HMCN1: variants seen among roughly 807,000 people sequenced by gnomAD.
HMCN1 encodes hemicentin 1.
In HMCN1, 321 loss-of-function variants were observed where a neutral mutation model predicts 625.9. That is an observed-to-expected ratio of 0.51 (90% CI 0.47 to 0.56). The LOEUF (loss-of-function observed/expected upper bound fraction) is 0.56. HMCN1 is among the 20% of genes least tolerant of loss of function. The pLI is 0.00. For synonymous variants in HMCN1, 2,425 were observed against 2,417.6 expected (o/e 1.00, Z -0.09); for missense variants, 6,588 against 6,887.3 (o/e 0.96, Z 1.54).
intron 36 of HMCN1, among the ~76,000 whole-genome samples, chr1:186,032,655 T>A (rs1355230785): frequency 6.6e-6 from 1 of 152,108 alleles, no homozygotes; most frequent in East Asian, 1.9e-4. Flanking sequence ...TGTGAGTCAA[T>A]TAAACCTCTT....
chr1:185,942,116 G>A (rs770605202), intron 11 of HMCN1, among the ~76,000 whole-genome samples: 5 of 151,018 alleles, frequency 3.3e-5, no homozygotes, highest in South Asian at 4.2e-4. Context: ...ACTTACACCC[G>A]GGAGGCGGAG....
intron 71 of HMCN1, among the ~76,000 whole-genome samples, chr1:186,110,910 C>A (rs1660842138): frequency 6.9e-6 from 1 of 145,636 alleles, no homozygotes; most frequent in Admixed American, 7.0e-5. Flanking sequence ...GAATGAGGTT[C>A]TATCAGGAGA....
intron 1 of HMCN1, among the ~76,000 whole-genome samples, chr1:185,788,644 G>T (rs929595618): frequency 6.6e-6 from 1 of 152,178 alleles, no homozygotes; most frequent in Admixed American, 6.5e-5. Context: ...TGTCTCAAGG[G>T]ATAATGGAAT....
chr1:185,888,746 G>T (rs1350500886), intron 4 of HMCN1, among the ~76,000 whole-genome samples: 1 of 146,330 alleles, frequency 6.8e-6, no homozygotes, highest in African/African-American at 2.8e-5. Context: ...GTAGCGTGAT[G>T]CCTCCAGCTT....
chr1:186,020,422 G>C (rs1012079755), intron 35 of HMCN1, among the ~76,000 whole-genome samples: 1 of 152,080 alleles, frequency 6.6e-6, no homozygotes, highest in Non-Finnish European at 1.5e-5. Context: ...TTTAGTAGAC[G>C]TGGTGGATAT....
At chr1:185,981,329 C>T (rs962107771) in intron 17 of HMCN1, among the ~76,000 whole-genome samples, 23 of 141,098 alleles carry the variant, frequency 1.6e-4, no homozygotes, top group African/African-American at 6.7e-4. Flanking sequence ...CACACATGCA[C>T]ACACACACAC....
chr1:186,095,826 T>A (rs1325488003), intron 68 of HMCN1, among the ~76,000 whole-genome samples: 1 of 152,104 alleles, frequency 6.6e-6, no homozygotes, highest in African/African-American at 2.4e-5. Flanking sequence ...TGAAAACACA[T>A]CCGATTATAG....
intron 33 of HMCN1, among the ~76,000 whole-genome samples, 169 bp downstream of exon 33, chr1:186,017,240 G>T (rs1457860416): frequency 6.6e-6 from 1 of 152,002 alleles, no homozygotes; most frequent in Non-Finnish European, 1.5e-5. Flanking sequence ...CTACTTGATA[G>T]TCCAAAGGCA....
intron 49 of HMCN1, among the ~76,000 whole-genome samples, chr1:186,066,091 A>G (rs1203719053): frequency 6.6e-6 from 1 of 152,196 alleles, no homozygotes; most frequent in East Asian, 1.9e-4. Context: ...CATATTGAAC[A>G]CAGCCCTCAA....
intron 1 of HMCN1, among the ~76,000 whole-genome samples, chr1:185,795,272 T>C (rs1658291210): frequency 6.6e-6 from 1 of 152,218 alleles, no homozygotes; most frequent in Admixed American, 6.5e-5. Context: ...CCAACCCAAA[T>C]ATTTCAGTTT....
At chr1:186,053,181 A>G in intron 43 of HMCN1, 107 bp downstream of exon 43, 3 of 1,054,168 alleles carry the variant, frequency 2.8e-6, no homozygotes, top group Non-Finnish European at 4.3e-6. Context: ...TGGGGTTTGC[A>G]TACTAAATGC....
At position 185,909,337 on chromosome 1, in the gene HMCN1, G is replaced by T. The variant is rs374091056; in HGVS notation, c.622G>T (p.Val208Leu). ...TTACACTTCTCTTTCTCTCTTATAG[G>T]TATTAAAATGGGTAGAAGAAGCAGT... ...FHLDKKQVNEVLKWVEEAVQA... is the reference protein window; with the variant it reads ...FHLDKKQVNELLKWVEEAVQA... The change falls in exon 5 of 107, where the codon GTA (valine) becomes TTA (leucine). Residue 208 changes from valine to leucine, a missense_variant and splice_region_variant. By Grantham distance (32) the Val-to-Leu change is conservative. This residue lies in a region of HMCN1 where 4,628 missense variants were observed against 4,853.1 expected (regional missense o/e 0.95). Transcript: ENST00000271588. 1 of 1,607,380 alleles carries T rather than the reference G, an allele frequency of 6.2e-7. No individual in the cohort carries two copies. Among genetic ancestry groups the T allele is most frequent in the Non-Finnish European group, 8.5e-7 (1 of 1,174,176 alleles).
intron 1 of HMCN1, among the ~76,000 whole-genome samples, chr1:185,823,757 T>G (rs1571405222): frequency 6.6e-6 from 1 of 152,192 alleles, no homozygotes; most frequent in African/African-American, 2.4e-5. Flanking sequence ...TTTTTATTTA[T>G]AACTTAAGAA....
intron 1 of HMCN1, among the ~76,000 whole-genome samples, chr1:185,843,885 C>T (rs761953953): frequency 6.6e-6 from 1 of 152,054 alleles, no homozygotes; most frequent in Non-Finnish European, 1.5e-5. Flanking sequence ...GAAGGCTTAT[C>T]GGTCCTCTTA....
At chr1:185,875,774 G>C (rs1049085559) in intron 4 of HMCN1, among the ~76,000 whole-genome samples, 1 of 151,772 alleles carries the variant, frequency 6.6e-6, no homozygotes, top group Non-Finnish European at 1.5e-5. Flanking sequence ...TCTATCTCTT[G>C]ATATCATGAT....
intron 2 of HMCN1, among the ~76,000 whole-genome samples, chr1:185,854,008 G>GA (rs1279240443): frequency 6.6e-6 from 1 of 152,200 alleles, no homozygotes; most frequent in Non-Finnish European, 1.5e-5. Context: ...GCAACCAACA[G>GA]ATTGTTCTAT....
chr1:185,759,854 T>C (rs1655378569), intron 1 of HMCN1, among the ~76,000 whole-genome samples: 1 of 152,156 alleles, frequency 6.6e-6, no homozygotes, highest in Admixed American at 6.5e-5. Flanking sequence ...GGATTGTGAA[T>C]ATGGAAGACT....
At chr1:185,963,152 A>G (rs1650148154) in intron 12 of HMCN1, among the ~76,000 whole-genome samples, 1 of 152,162 alleles carries the variant, frequency 6.6e-6, no homozygotes, top group African/African-American at 2.4e-5. Flanking sequence ...TTTTAAAAGC[A>G]TTGAATCCAC....
rs1422003588 is a variant in HMCN1, at chr1:186,128,276, A to G, written c.12889A>G (p.Asn4297Asp). ...PLPKLTWTFN[N>D]NIIPAHFDSV... ...GCCCAAATTAACATGGACCTTCAAT[A>G]ACAATATTATTCCAGGTTGGTCATT... The change falls in exon 83 of 107, where the codon AAC becomes GAC. Residue 4297 changes from asparagine (N) to aspartate (D), a missense_variant. This residue lies in a region of HMCN1 where 1,954 missense variants were observed against 2,013.1 expected (regional missense o/e 0.97). Transcript: ENST00000271588. The G allele has an allele frequency of 3.1e-6, 5 of 1,612,952 alleles. No homozygotes were observed. Among genetic ancestry groups the G allele is most frequent in the Non-Finnish European group, 2.5e-6 (3 of 1,179,266 alleles).
Sources: gnomAD v4.1 joint callset for allele counts (sites outside exome capture counted in the v4.1 genomes callset) on GRCh38, gnomAD v4.1.1 for gene constraint, gnomAD v4.1.1 regional missense constraint, MANE v1.5 for transcripts, NCBI Gene and HGNC (gene_info 2026-07-23, HGNC 2026-07-21) for gene names.